The following CCDC152 variants were observed in gnomAD, a reference collection of about 807,000 sequenced individuals.
CCDC152 encodes the protein coiled-coil domain containing 152, also known as coiled-coil domain-containing protein 152.
In CCDC152, 37 loss-of-function variants were observed where a neutral mutation model predicts 38.1. The observed-to-expected ratio is 0.97, with a 90% CI of 0.75 to 1.28. The LOEUF (loss-of-function observed/expected upper bound fraction) is 1.28. Among genes scored for constraint, CCDC152 ranks in the 50% most tolerant of loss-of-function variants. The probability of loss-of-function intolerance (pLI) is 0.00; values close to 1 mark genes in which losing one functional copy is unlikely to be tolerated. For synonymous variants in CCDC152, 83 were observed against 87.1 expected (o/e 0.95, Z 0.26); for missense variants, 259 against 292.1 (o/e 0.89, Z 0.83).
At chr5:42,797,139 A>T (rs1253528899) in intron 7 of CCDC152, among the ~76,000 whole-genome samples, 183 bp downstream of exon 7, 1 of 152,248 alleles carries the variant, frequency 6.6e-6, no homozygotes, top group Non-Finnish European at 1.5e-5. Flanking sequence ...TGTCATCTGC[A>T]TTGCCTTTCA....
rs897087913 is a variant in CCDC152, at chr5:42,801,685, G to A, written c.*1904G>A. 1.1e-5 allele frequency: 3 copies of A among 279,050 alleles called. No homozygotes were observed. Among genetic ancestry groups the A allele is most frequent in the East Asian group, 6.2e-5 (1 of 16,234 alleles). The allele number at this position is 279,050 out of a possible 1,614,324, so 17.3% of individuals were successfully genotyped here. Reference sequence around the variant, plus strand: ...TAATCCCACCACTTTGGGTGGCCGAGGGGGGCAGATTACTTGGGCTCAGGA... The same window carrying A: ...TAATCCCACCACTTTGGGTGGCCGAAGGGGGCAGATTACTTGGGCTCAGGA... On this transcript the variant is annotated 3_prime_UTR_variant, in exon 9 of 9. Coordinates refer to ENST00000361970, the MANE Select transcript of CCDC152 (RefSeq NM_001134848.2).
chr5:42,783,768 C>T (rs1406363964), intron 6 of CCDC152, among the ~76,000 whole-genome samples, 192 bp downstream of exon 6: 1 of 147,796 alleles, frequency 6.8e-6, no homozygotes, highest in Non-Finnish European at 1.5e-5. Flanking sequence ...TTGGAGTTCC[C>T]AGTGTCTATG....
At chr5:42,762,854 G>C (rs1759572260) in intron 3 of CCDC152, among the ~76,000 whole-genome samples, 1 of 151,956 alleles carries the variant, frequency 6.6e-6, no homozygotes, top group Non-Finnish European at 1.5e-5. Context: ...AAAAACCATA[G>C]GGAAAAAAAT....
chr5:42,763,459 T>G (rs1759583314), intron 3 of CCDC152, among the ~76,000 whole-genome samples: 1 of 151,552 alleles, frequency 6.6e-6, no homozygotes, highest in African/African-American at 2.4e-5. Context: ...TATAGTCACT[T>G]TCTTTACTAT....
intron 1 of CCDC152, 36 bp downstream of exon 1, chr5:42,756,921 C>G (rs1579701565): frequency 6.5e-6 from 1 of 152,736 alleles, no homozygotes; most frequent in Non-Finnish European, 1.5e-5. Context: ...TCGAAATTCC[C>G]GCTTTCTCCA....
At chr5:42,793,692 T>C (rs1223033206) in intron 6 of CCDC152, among the ~76,000 whole-genome samples, 1 of 152,194 alleles carries the variant, frequency 6.6e-6, no homozygotes, top group Non-Finnish European at 1.5e-5. Flanking sequence ...CACTGCAACC[T>C]CCACCTCCCA....
chr5:42,794,518 CA>C (rs919698312), intron 6 of CCDC152, among the ~76,000 whole-genome samples: 36 of 152,182 alleles, frequency 2.4e-4, no homozygotes, highest in Non-Finnish European at 4.7e-4. Flanking sequence ...CATTGACCTT[CA>C]AAAAATAATA....
At chr5:42,769,531 A>T in intron 3 of CCDC152, 66 bp from the exon 4 acceptor site, 1 of 1,381,996 alleles carries the variant, frequency 7.2e-7, no homozygotes, top group Middle Eastern at 2.1e-4. Flanking sequence ...TAATAATTTC[A>T]ACTGAGAGAA....
intron 6 of CCDC152, among the ~76,000 whole-genome samples, chr5:42,786,058 A>G (rs1759917393): frequency 6.6e-6 from 1 of 151,934 alleles, no homozygotes; most frequent in Non-Finnish European, 1.5e-5. Context: ...TATCAGGGAT[A>G]TTGGCCTGTT....
intron 6 of CCDC152, 23 bp from the exon 7 acceptor site, chr5:42,796,806 T>C: frequency 7.4e-7 from 1 of 1,347,562 alleles, no homozygotes; most frequent in Non-Finnish European, 9.9e-7. Flanking sequence ...ACAAATGAAT[T>C]TTATTTATTT....
chr5:42,788,220 A>AT (rs59948688), intron 6 of CCDC152, among the ~76,000 whole-genome samples: 7 of 148,380 alleles, frequency 4.7e-5, no homozygotes, highest in Non-Finnish European at 3.0e-5. Flanking sequence ...CTTGGATGGC[A>AT]TTTTTTTTTT....
intron 4 of CCDC152, among the ~76,000 whole-genome samples, chr5:42,771,830 C>G (rs76742033): frequency 0.02 from 2,972 of 152,138 alleles, 35 homozygotes; most frequent in Middle Eastern, 0.061. Context: ...CTATTAAACA[C>G]TCAAAGAAAA....
chr5:42,794,952 G>A (rs932102673), intron 6 of CCDC152, among the ~76,000 whole-genome samples: 4 of 151,920 alleles, frequency 2.6e-5, no homozygotes, highest in Non-Finnish European at 4.4e-5. Context: ...GAGGAAAAAA[G>A]GGAAGTAAAA....
rs1200333573 is a variant in CCDC152 at position 42,762,413 on chromosome 5, TTAA to T, written c.88-23_88-21del. Reference sequence around the variant, plus strand: ...AAATTAAACTAGCAGCATTGATTTGTTAATAATAAGTATTCTATTTCTTCTACA... The same window carrying T: ...AAATTAAACTAGCAGCATTGATTTGTTAATAAGTATTCTATTTCTTCTACA... On this transcript the variant is annotated intron_variant, in intron 2 of 8. Coordinates refer to ENST00000361970, the MANE Select transcript of CCDC152 (RefSeq NM_001134848.2). 13 of 1,163,212 alleles carry T rather than the reference TTAA, an allele frequency of 1.1e-5. No homozygotes were observed. The South Asian group carries it at 1.5e-4, about 14-fold the overall frequency. The allele number at this position is 1,163,212 out of a possible 1,614,324, so 72.1% of individuals were successfully genotyped here. A position where few individuals can be genotyped will look rare whatever the true frequency, so the allele number is the denominator to read the frequency against.
At chr5:42,795,542 A>T (rs947538870) in intron 6 of CCDC152, among the ~76,000 whole-genome samples, 1 of 152,224 alleles carries the variant, frequency 6.6e-6, no homozygotes, top group African/African-American at 2.4e-5. Flanking sequence ...AATTGACATA[A>T]ATGATATACC....
At chr5:42,766,630 A>G (rs1232739939) in intron 3 of CCDC152, among the ~76,000 whole-genome samples, 2 of 149,162 alleles carry the variant, frequency 1.3e-5, no homozygotes, top group African/African-American at 2.5e-5. Context: ...GGAAGTGGAG[A>G]TCATTATGTT....
intron 7 of CCDC152, among the ~76,000 whole-genome samples, chr5:42,798,776 G>T (rs1025968816): frequency 1.4e-5 from 2 of 142,258 alleles, no homozygotes; most frequent in Admixed American, 1.5e-4. Flanking sequence ...ATGGAATATT[G>T]TGCAAAAACA....
At position 42,796,954 on chromosome 5, in the gene CCDC152, GAAGT is replaced by G. The variant is rs760274583; in HGVS notation, c.558+3_558+6del. On this transcript the variant is annotated splice_donor_variant and coding_sequence_variant, in exon 7 of 9. Coordinates refer to ENST00000361970, the MANE Select transcript of CCDC152 (RefSeq NM_001134848.2). LOFTEE classifies it high-confidence loss of function. ...AAATGAAATAATCAAGCTACAACTA[GAAGT>G]AAGTGTTTAAGAGTCTGCTAAACTT... The G allele has an allele frequency of 8.6e-6, 13 of 1,516,098 alleles. No individual in the cohort carries two copies. Among genetic ancestry groups the G allele is most frequent in the Admixed American group, 4.9e-5 (2 of 41,236 alleles). The allele number at this position is 1,516,098 out of a possible 1,614,324, so 93.9% of individuals were successfully genotyped here.
Position 42,800,957 on chromosome 5 carries a change from A to AT in CCDC152, c.*1177dup. 7.4e-6 allele frequency: 12 copies of AT among 1,614,234 alleles called. No individual in the cohort carries two copies. The highest frequency in any genetic ancestry group is 1.0e-5 in the Non-Finnish European group (12 of 1,180,032). On this transcript the variant is annotated 3_prime_UTR_variant, in exon 9 of 9. Transcript: ENST00000361970. ...TTTTTTCAAATATCAGATGTCGACA[A>AT]TGGCAGCATCAGCTCCTAGGAGCCA...
Sources: gnomAD v4.1 joint callset for allele counts (sites outside exome capture counted in the v4.1 genomes callset) on GRCh38, gnomAD v4.1.1 for gene constraint, MANE v1.5 for transcripts, NCBI Gene and HGNC (gene_info 2026-07-23, HGNC 2026-07-21) for gene names.